TGFBR3: variants seen among roughly 807,000 people sequenced by gnomAD.
The protein encoded by TGFBR3 is transforming growth factor beta receptor 3, also known as transforming growth factor beta receptor type 3.
Under a neutral mutation model 87.9 loss-of-function variants are expected in TGFBR3, and 46 were observed. The ratio of observed to expected loss-of-function variants is 0.52; its 90% CI spans 0.41 to 0.67. The LOEUF is 0.67. Ranked by LOEUF, TGFBR3 falls within the 30% of genes least tolerant of loss-of-function variation. The pLI is 0.00. For synonymous variants in TGFBR3, 381 were observed against 391.6 expected (o/e 0.97, Z 0.32); for missense variants, 866 against 1,041.9 (o/e 0.83, Z 2.32).
At chr1:91,857,052 A>G (rs1388664219) in intron 2 of TGFBR3, among the ~76,000 whole-genome samples, 1 of 152,200 alleles carries the variant, frequency 6.6e-6, no homozygotes, top group African/African-American at 2.4e-5. Flanking sequence ...GAGTTGTCTT[A>G]AATAAATTAG....
At chr1:91,842,179 C>T (rs891672632) in intron 2 of TGFBR3, among the ~76,000 whole-genome samples, 13 of 151,892 alleles carry the variant, frequency 8.6e-5, no homozygotes, top group African/African-American at 2.7e-4. Context: ...TTGACTCTCA[C>T]GGAGCTTACA....
chr1:91,777,620 C>T (rs1288699919), intron 3 of TGFBR3, among the ~76,000 whole-genome samples: 1 of 151,876 alleles, frequency 6.6e-6, no homozygotes, highest in Non-Finnish European at 1.5e-5. Context: ...GCCCCAGCCC[C>T]ACATCCCCCT....
chr1:91,864,714 G>C (rs1361228373), intron 1 of TGFBR3, among the ~76,000 whole-genome samples: 1 of 152,180 alleles, frequency 6.6e-6, no homozygotes, highest in Non-Finnish European at 1.5e-5. Flanking sequence ...ACCCGACTTA[G>C]GAATCAGTTC....
At chr1:91,902,271 TTGTGTG>T (rs200355608) in intron 1 of TGFBR3, among the ~76,000 whole-genome samples, 1 of 148,250 alleles carries the variant, frequency 6.7e-6, no homozygotes, top group African/African-American at 2.5e-5. Context: ...TCCTTTTCTT[TTGTGTG>T]TGTGTGTGTG....
At chr1:91,871,048 A>G (rs576186742) in intron 1 of TGFBR3, among the ~76,000 whole-genome samples, 1 of 152,108 alleles carries the variant, frequency 6.6e-6, no homozygotes, top group East Asian at 1.9e-4. Flanking sequence ...TCACCAAAAA[A>G]AAAAAAAAGA....
chr1:91,813,921 C>T (rs1270840766), intron 2 of TGFBR3, among the ~76,000 whole-genome samples: 1 of 152,186 alleles, frequency 6.6e-6, no homozygotes, highest in Non-Finnish European at 1.5e-5. Flanking sequence ...TTCATATGCG[C>T]AGTTCACAAC....
At chr1:91,886,173 C>T (rs891179093), upstream of TGFBR3, 4 of 453,916 alleles carry the variant, frequency 8.8e-6, no homozygotes, top group South Asian at 1.6e-5. Flanking sequence ...GCCGACCCGG[C>T]GCACTCGCCC....
chr1:91,716,665 G>A lies in TGFBR3; in HGVS notation c.1610C>T (p.Pro537Leu), dbSNP rs140758164. The change falls in exon 11 of 17, where the codon CCA becomes CTA. Residue 537 changes from proline to leucine, a missense_variant. Physicochemically the swap from Pro to Leu is moderately conservative, Grantham distance 98. Coordinates refer to ENST00000212355, the MANE Select transcript of TGFBR3 (RefSeq NM_003243.5). Reference protein sequence around the residue: ...VPALGDSSGWPDGYEDLESGD... With the variant: ...VPALGDSSGWLDGYEDLESGD... ...TGACTCCAGATCTTCATAACCATCT[G>A]GCCAACCACTACTGTCCCCAAGGGC... The A allele has an allele frequency of 1.2e-4, 194 of 1,614,028 alleles. No homozygotes were observed. In the African/African-American group the frequency reaches 2.2e-3, roughly 19 times the overall value.
chr1:91,849,603 T>C (rs1057365621), intron 2 of TGFBR3, among the ~76,000 whole-genome samples: 1 of 152,212 alleles, frequency 6.6e-6, no homozygotes, highest in Non-Finnish European at 1.5e-5. Flanking sequence ...AACCTGCTGA[T>C]ATATGCATTT....
chr1:91,717,984 A>G (rs1672235441), intron 10 of TGFBR3, among the ~76,000 whole-genome samples: 1 of 152,098 alleles, frequency 6.6e-6, no homozygotes, highest in South Asian at 2.1e-4. Flanking sequence ...GTAATATATG[A>G]CATTCATTAT....
At chr1:91,841,217 C>A (rs955506001) in intron 2 of TGFBR3, among the ~76,000 whole-genome samples, 8 of 152,214 alleles carry the variant, frequency 5.3e-5, no homozygotes, top group Non-Finnish European at 1.0e-4. Flanking sequence ...GAAAAACAGA[C>A]CAGATCAGCT....
intron 2 of TGFBR3, among the ~76,000 whole-genome samples, chr1:91,844,772 C>A (rs913007510): frequency 1.1e-4 from 16 of 152,202 alleles, no homozygotes; most frequent in African/African-American, 3.6e-4. Context: ...ATTACCTCTC[C>A]AAAATAAAAG....
At chr1:91,888,150 G>A (rs542242234), upstream of TGFBR3, among the ~76,000 whole-genome samples, 1 of 152,214 alleles carries the variant, frequency 6.6e-6, no homozygotes, top group African/African-American at 2.4e-5. Flanking sequence ...GAGTCTCCGT[G>A]TACCAGCTCT....
intron 2 of TGFBR3, 75 bp downstream of exon 2, chr1:91,861,396 T>G: frequency 8.6e-7 from 1 of 1,162,258 alleles, no homozygotes; most frequent in Non-Finnish European, 1.3e-6. Context: ...TGAAACTTCA[T>G]CTCAACTAAA....
intron 3 of TGFBR3, among the ~76,000 whole-genome samples, chr1:91,796,505 C>A (rs763615506): frequency 2.0e-5 from 3 of 152,312 alleles, no homozygotes; most frequent in Non-Finnish European, 4.4e-5. Context: ...TGATAAGGAG[C>A]TATGCTCAGG....
At chr1:91,905,233 A>G (rs1679820918) in intron 1 of TGFBR3, among the ~76,000 whole-genome samples, 1 of 152,196 alleles carries the variant, frequency 6.6e-6, no homozygotes, top group Non-Finnish European at 1.5e-5. Context: ...TGACACTCTG[A>G]CATAACCTGG....
chr1:91,819,399 C>T (rs932702811), intron 2 of TGFBR3, among the ~76,000 whole-genome samples: 1 of 151,910 alleles, frequency 6.6e-6, no homozygotes, highest in African/African-American at 2.4e-5. Context: ...CATCATCCCA[C>T]TCCACTGACC....
At chr1:91,902,539 T>C (rs2101352719) in intron 1 of TGFBR3, among the ~76,000 whole-genome samples, 1 of 152,032 alleles carries the variant, frequency 6.6e-6, no homozygotes, top group African/African-American at 2.4e-5. Context: ...TACCTCGGCC[T>C]CCCAAAGTGC....
intron 3 of TGFBR3, among the ~76,000 whole-genome samples, chr1:91,782,990 G>C (rs1248417953): frequency 6.6e-6 from 1 of 152,180 alleles, no homozygotes; most frequent in Non-Finnish European, 1.5e-5. Flanking sequence ...CGACTTGCTG[G>C]AGCAAATTCA....
Sources: allele counts gnomAD v4.1 joint callset (sites outside exome capture counted in the v4.1 genomes callset), GRCh38; gene constraint gnomAD v4.1.1; transcripts MANE v1.5; gene names NCBI Gene and HGNC (gene_info 2026-07-23, HGNC 2026-07-21).